The following MGST3 variants were observed in gnomAD, a reference collection of about 807,000 sequenced individuals.
MGST3 encodes glutathione S-transferase 3, mitochondrial.
Under a neutral mutation model 15.8 loss-of-function variants are expected in MGST3, and 13 were observed. The observed-to-expected ratio is 0.82, with a 90% CI of 0.54 to 1.31. MGST3 has a LOEUF of 1.31. Among genes scored for constraint, MGST3 ranks in the 50% most tolerant of loss-of-function variants. MGST3 has a pLI of 0.00. For missense variants in MGST3, 155 were observed against 192.4 expected, an observed-to-expected ratio of 0.81 and a Z score of 1.15; for synonymous variants, 49 against 68.1, an observed-to-expected ratio of 0.72 and a Z score of 1.38.
chr1:165,651,093 T>C lies in MGST3; in HGVS notation c.191+6T>C, dbSNP rs1648540268. On this transcript the variant is annotated splice_donor_region_variant and intron_variant, in intron 3 of 5. Transcript: ENST00000367889. ...CAGCGAGCCCACCAGAACACGTGAG[T>C]GTCGGCCCTGCCGGGCACCAAAGAC... is the stretch of plus-strand genomic sequence containing the variant. 1.9e-6 allele frequency: 3 copies of C among 1,614,040 alleles called. No homozygotes were observed. Among genetic ancestry groups the C allele is most frequent in the Non-Finnish European group, 2.5e-6 (3 of 1,179,906 alleles).
At chr1:165,631,619 C>T (rs777393731) in intron 1 of MGST3, among the ~76,000 whole-genome samples, 7 of 152,118 alleles carry the variant, frequency 4.6e-5, no homozygotes, top group African/African-American at 7.2e-5. Context: ...GCTCTGCAGT[C>T]TGGGGGCACC....
At chr1:165,640,617 G>C (rs1455803944) in intron 1 of MGST3, among the ~76,000 whole-genome samples, 1 of 152,064 alleles carries the variant, frequency 6.6e-6, no homozygotes, top group East Asian at 1.9e-4. Context: ...CTGGGACTGA[G>C]GTATGTTTTA....
In MGST3 at chr1:165,655,253, A is replaced by T. The variant is rs1437471021; in HGVS notation, c.323-115A>T. 3.7e-6 allele frequency: 5 copies of T among 1,357,278 alleles called. No individual in the cohort carries two copies. The African/African-American group carries it at 7.2e-5, about 19-fold the overall frequency. The allele number at this position is 1,357,278 out of a possible 1,614,324, so 84.1% of individuals were successfully genotyped here. ...GGCTAAAGAGTTAGTTAACCTCCTA[A>T]GGCCAGTTTGTCTAATGTACAACCT... On this transcript the variant is annotated intron_variant, in intron 5 of 5. Coordinates refer to ENST00000367889, the MANE Select transcript of MGST3 (RefSeq NM_004528.4).
intron 4 of MGST3, among the ~76,000 whole-genome samples, chr1:165,652,740 A>T (rs973429203): frequency 6.6e-6 from 1 of 152,184 alleles, no homozygotes; most frequent in African/African-American, 2.4e-5. Context: ...GAGCAGTGAG[A>T]AGCCAATGGA....
intron 1 of MGST3, chr1:165,649,129 T>G (rs1648485894): frequency 6.6e-6 from 1 of 152,520 alleles, no homozygotes; most frequent in African/African-American, 2.4e-5. Context: ...CAAAGCCTCA[T>G]AGGCTCAGGA....
At chr1:165,654,033 C>A in intron 4 of MGST3, 1 of 480,592 alleles carries the variant, frequency 2.1e-6, no homozygotes, top group Non-Finnish European at 3.7e-6. Flanking sequence ...CCTTCTATCC[C>A]ACCTGTCTAG....
rs1648701211 is a variant in MGST3 at position 165,656,130 on chromosome 1, T to C, written c.*626T>C. The C allele has an allele frequency of 6.5e-6, 1 of 152,772 alleles. No homozygotes were observed. Among genetic ancestry groups the C allele is most frequent in the African/African-American group, 2.4e-5 (1 of 41,440 alleles). The allele number at this position is 152,772 out of a possible 1,614,324, so 9.5% of individuals were successfully genotyped here. A position where few individuals can be genotyped will look rare whatever the true frequency, so the allele number is the denominator to read the frequency against. On this transcript the variant is annotated 3_prime_UTR_variant, in exon 6 of 6. Transcript: ENST00000367889. ...CTCAAATAAATAAAAATTAAGTTTC[T>C]ATTAAAGATTGTTTCTGTTGCTTAA...
intron 1 of MGST3, among the ~76,000 whole-genome samples, chr1:165,638,245 G>A (rs1253635281): frequency 6.6e-6 from 1 of 152,202 alleles, no homozygotes; most frequent in Non-Finnish European, 1.5e-5. Context: ...TTGGGAGGCT[G>A]AGAGAGGCAA....
intron 1 of MGST3, among the ~76,000 whole-genome samples, chr1:165,631,682 G>A (rs1203639937): frequency 1.0e-5 from 1 of 96,728 alleles, no homozygotes; most frequent in Non-Finnish European, 2.4e-5. Context: ...CCGGCGCAGA[G>A]GATGGCGAGC....
At chr1:165,634,956 A>G (rs1648069210) in intron 1 of MGST3, among the ~76,000 whole-genome samples, 1 of 151,786 alleles carries the variant, frequency 6.6e-6, no homozygotes, top group South Asian at 2.1e-4. Flanking sequence ...ATAGCTATGG[A>G]CTTGAGGCAA....
chr1:165,653,425 G>A (rs2297763), intron 4 of MGST3, among the ~76,000 whole-genome samples: 39,292 of 152,076 alleles, frequency 0.26, 5,186 homozygotes, highest in Middle Eastern at 0.33. Flanking sequence ...CTGCTATATC[G>A]TGACTTGAGG....
At chr1:165,652,814 G>T (rs1042735960) in intron 4 of MGST3, among the ~76,000 whole-genome samples, 3 of 152,186 alleles carry the variant, frequency 2.0e-5, no homozygotes, top group Admixed American at 2.0e-4. Flanking sequence ...GGACTTGCAG[G>T]CCTCTGCAGT....
rs560791190 is a variant in MGST3 at position 165,647,076 on chromosome 1, A to G, written c.-7-2765A>G. Reference sequence around the variant, plus strand: ...CAGACTCTGGGTACCCTTACTGTGAATTCACTGCCTTTCCAAGGTCCTAAC... The same window carrying G: ...CAGACTCTGGGTACCCTTACTGTGAGTTCACTGCCTTTCCAAGGTCCTAAC... On this transcript the variant is annotated intron_variant, in intron 1 of 5. Coordinates refer to ENST00000367889, the MANE Select transcript of MGST3 (RefSeq NM_004528.4). 2.6e-5 allele frequency: 4 copies of G among 152,350 alleles called. No homozygotes were observed. In the East Asian group the frequency reaches 7.7e-4, roughly 29 times the overall value. 9.4% of individuals were successfully genotyped at this position (152,350 alleles called of 1,614,324 possible).
At chr1:165,654,576 A>G (rs1202062111) in intron 5 of MGST3, among the ~76,000 whole-genome samples, 1 of 152,160 alleles carries the variant, frequency 6.6e-6, no homozygotes, top group East Asian at 1.9e-4. Flanking sequence ...CTGTAGTCCC[A>G]GCTACTTGGG....
At chr1:165,634,748 T>C (rs1648054002) in intron 1 of MGST3, among the ~76,000 whole-genome samples, 1 of 148,162 alleles carries the variant, frequency 6.7e-6, no homozygotes, top group Non-Finnish European at 1.5e-5. Flanking sequence ...GCGCTCTCTC[T>C]CTCTCTCCCT....
chr1:165,651,452 A>G, intron 3 of MGST3: 1 of 365,730 alleles, frequency 2.7e-6, no homozygotes, highest in East Asian at 6.5e-5. Flanking sequence ...TTCCACTTCC[A>G]TTTGTTAGAT....
intron 1 of MGST3, chr1:165,649,259 T>C (rs561633509): frequency 1.7e-3 from 270 of 156,928 alleles, no homozygotes; most frequent in Middle Eastern, 3.4e-3. Context: ...GCCCTCACAG[T>C]GTCCCCCATG....
rs3753891 is a variant in MGST3, at chr1:165,651,801, A to G, written c.192-177A>G. The G allele has an allele frequency of 9.2e-4, 495 of 540,816 alleles. 8 individuals carry two copies. In the East Asian group the frequency reaches 0.017, roughly 19 times the overall value. The allele number at this position is 540,816 out of a possible 1,614,324, so 33.5% of individuals were successfully genotyped here. On this transcript the variant is annotated intron_variant, in intron 3 of 5. Transcript: ENST00000367889. ...TCCCAGCTACTCAGGAAGCTGAGGCATGAGAATTACTTGAACCCGGGAGGC... is the reference window on the plus strand; with the variant it reads ...TCCCAGCTACTCAGGAAGCTGAGGCGTGAGAATTACTTGAACCCGGGAGGC...
intron 1 of MGST3, among the ~76,000 whole-genome samples, chr1:165,632,621 A>AT (rs943555852): frequency 2.0e-5 from 3 of 152,096 alleles, no homozygotes; most frequent in Non-Finnish European, 2.9e-5. Context: ...TTGTCAAGTG[A>AT]TTTTTTTTAA....
Sources: allele counts gnomAD v4.1 joint callset (sites outside exome capture counted in the v4.1 genomes callset), GRCh38; gene constraint gnomAD v4.1.1; transcripts MANE v1.5; gene names NCBI Gene and HGNC (gene_info 2026-07-23, HGNC 2026-07-21).